Variants in GVQW3 observed in about 807,000 individuals in gnomAD.
GVQW3 encodes protein GVQW3.
In GVQW3, 7 loss-of-function variants were observed where a neutral mutation model predicts 12.5. The ratio of observed to expected loss-of-function variants is 0.56; its 90% CI spans 0.32 to 1.05. The LOEUF (loss-of-function observed/expected upper bound fraction) is 1.05, where lower values mean the gene tolerates loss of function less well. Ranked by LOEUF, GVQW3 falls within the 50% of genes least tolerant of loss-of-function variation. The pLI is 0.04. For synonymous variants in GVQW3, 71 were observed against 67.2 expected, an observed-to-expected ratio of 1.06 and a Z score of -0.28; for missense variants, 188 against 190.8, an observed-to-expected ratio of 0.99 and a Z score of 0.09.
chr11:76,385,802 T>A (rs1022724687), intron 1 of GVQW3, among the ~76,000 whole-genome samples: 1 of 152,170 alleles, frequency 6.6e-6, no homozygotes, highest in African/African-American at 2.4e-5. Flanking sequence ...CTAAGGGACA[T>A]GGGCACCTTA....
At position 76,404,062 on chromosome 11, in the gene GVQW3, G is replaced by T; in HGVS notation, c.*304G>T. Reference sequence around the variant, plus strand: ...AAATAATGTTTTCCCATCTATCTCAGTACCCCATGATCCAGTCAAGTGAAC... The same window carrying T: ...AAATAATGTTTTCCCATCTATCTCATTACCCCATGATCCAGTCAAGTGAAC... On this transcript the variant is annotated 3_prime_UTR_variant, in exon 2 of 2. Transcript: ENST00000529331. 1 of 541,764 alleles carries T rather than the reference G, an allele frequency of 1.8e-6. No individual in the cohort carries two copies. The highest frequency in any genetic ancestry group is 3.4e-6 in the Non-Finnish European group (1 of 296,674). 33.6% of individuals were successfully genotyped at this position (541,764 alleles called of 1,614,324 possible).
Position 76,407,604 on chromosome 11 carries a change from G to C in GVQW3, c.*3846G>C, listed in dbSNP as rs1046281585. On this transcript the variant is annotated 3_prime_UTR_variant, in exon 2 of 2. Coordinates refer to ENST00000529331, the MANE Select transcript of GVQW3 (RefSeq NM_001347885.2). ...AAAAAAAAAAAAAAAAAAAAAAAAA[G>C]AATTTAAGCCAGTTGACCTAGGAAT... is the stretch of plus-strand genomic sequence containing the variant. 1.1e-5 allele frequency: 1 copy of C among 93,872 alleles called. No homozygotes were observed. The highest frequency in any genetic ancestry group is 3.8e-5 in the African/African-American group (1 of 26,552). 5.8% of individuals were successfully genotyped at this position (93,872 alleles called of 1,614,324 possible).
downstream of GVQW3, chr11:76,413,021 C>G (rs1947091996): frequency 6.6e-6 from 1 of 152,176 alleles, no homozygotes. Flanking sequence ...CTCAGTCTTT[C>G]TATCTTTCGT....
chr11:76,388,691 C>T (rs765178943), intron 1 of GVQW3, among the ~76,000 whole-genome samples: 28 of 151,918 alleles, frequency 1.8e-4, no homozygotes, highest in Non-Finnish European at 3.4e-4. Flanking sequence ...TTATATTACT[C>T]TTCACTCTTG....
At chr11:76,391,336 A>G (rs977822466) in intron 1 of GVQW3, among the ~76,000 whole-genome samples, 1 of 152,232 alleles carries the variant, frequency 6.6e-6, no homozygotes, top group African/African-American at 2.4e-5. Context: ...TGTCATTGCT[A>G]TTTAAGCAAA....
At chr11:76,402,653 A>G (rs1412552102) in intron 1 of GVQW3, among the ~76,000 whole-genome samples, 1 of 152,156 alleles carries the variant, frequency 6.6e-6, no homozygotes, top group Admixed American at 6.5e-5. Flanking sequence ...GTAGCTGATC[A>G]TGTTTCTGGA....
rs1368949415 is a variant in GVQW3, at chr11:76,403,802, C to G, written c.*44C>G. ...AACCAGGAGTTCAATGGTGTAAATTCCAGTCTGAGTCCACAGGCCGAAGAG... is the reference window on the plus strand; with the variant it reads ...AACCAGGAGTTCAATGGTGTAAATTGCAGTCTGAGTCCACAGGCCGAAGAG... On this transcript the variant is annotated 3_prime_UTR_variant, in exon 2 of 2. Transcript: ENST00000529331. The G allele has an allele frequency of 1.4e-5, 9 of 626,692 alleles. No individual in the cohort carries two copies. Among genetic ancestry groups the G allele is most frequent in the Non-Finnish European group, 5.9e-6 (2 of 339,654 alleles). The allele number at this position is 626,692 out of a possible 1,614,324, so 38.8% of individuals were successfully genotyped here.
chr11:76,394,633 A>G (rs1047241076), intron 1 of GVQW3, among the ~76,000 whole-genome samples: 10 of 152,194 alleles, frequency 6.6e-5, no homozygotes, highest in African/African-American at 1.7e-4. Context: ...GCTATTGTGA[A>G]TGGTGCTGCA....
chr11:76,400,716 G>A (rs867894356), intron 1 of GVQW3, among the ~76,000 whole-genome samples: 1 of 152,042 alleles, frequency 6.6e-6, no homozygotes, highest in African/African-American at 2.4e-5. Context: ...CACTGCACCC[G>A]GCCCCTCTGT....
intron 1 of GVQW3, among the ~76,000 whole-genome samples, chr11:76,400,006 T>TATACACACAC (rs369599131): frequency 1.4e-5 from 2 of 140,374 alleles, no homozygotes; most frequent in African/African-American, 2.7e-5. Context: ...TCTCTCTGTA[T>TATACACACAC]ACACACACAC....
At position 76,403,848 on chromosome 11, in the gene GVQW3, G is replaced by A. The variant is rs1356079690; in HGVS notation, c.*90G>A. 1 of 694,510 alleles carries A rather than the reference G, an allele frequency of 1.4e-6. No homozygotes were observed. The allele number at this position is 694,510 out of a possible 1,614,324, so 43.0% of individuals were successfully genotyped here. ...AAGAGCGAGGAGTGCTGATGTACAA[G>A]GGCAGGAGAAGATGGATGTCACAGC... On this transcript the variant is annotated 3_prime_UTR_variant, in exon 2 of 2. Transcript: ENST00000529331.
chr11:76,404,048 T>A lies in GVQW3; in HGVS notation c.*290T>A. ...ACAGACACACCCAGAAATAATGTTT[T>A]CCCATCTATCTCAGTACCCCATGAT... On this transcript the variant is annotated 3_prime_UTR_variant, in exon 2 of 2. Transcript: ENST00000529331. 1 of 570,046 alleles carries A rather than the reference T, an allele frequency of 1.8e-6. No individual in the cohort carries two copies. Among genetic ancestry groups the A allele is most frequent in the Non-Finnish European group, 3.2e-6 (1 of 309,326 alleles). The allele number at this position is 570,046 out of a possible 1,614,324, so 35.3% of individuals were successfully genotyped here.
chr11:76,381,987 A>G lies in GVQW3; in HGVS notation c.159A>G (p.Gly53=). 1 of 1,536,420 alleles carries G rather than the reference A, an allele frequency of 6.5e-7. No homozygotes were observed. Among genetic ancestry groups the G allele is most frequent in the Non-Finnish European group, 8.7e-7 (1 of 1,146,960 alleles). ...VFDWHKRFKE[G]REDVRDDARS... ...ACTGGCACAAAAGGTTTAAAGAAGGACGGGAAGATGTTCGAGATGATGCCC... is the reference window on the plus strand; with the variant it reads ...ACTGGCACAAAAGGTTTAAAGAAGGGCGGGAAGATGTTCGAGATGATGCCC... The change falls in exon 1 of 2, where the codon GGA becomes GGG. Residue 53 remains glycine, a synonymous_variant. Transcript: ENST00000529331.
intron 1 of GVQW3, among the ~76,000 whole-genome samples, chr11:76,397,297 C>A (rs970895474): frequency 2.6e-5 from 4 of 150,956 alleles, no homozygotes; most frequent in African/African-American, 9.8e-5. Context: ...CCACCACACT[C>A]AGCCCCTTCA....
intron 1 of GVQW3, among the ~76,000 whole-genome samples, chr11:76,399,123 T>G (rs554485181): frequency 1.9e-3 from 284 of 151,558 alleles, no homozygotes; most frequent in African/African-American, 6.4e-3. Flanking sequence ...TTATTTTATT[T>G]TATTTCATTT....
chr11:76,382,559 CCTATGTGCCAT>C, intron 1 of GVQW3: 1 of 599,442 alleles, frequency 1.7e-6, no homozygotes, highest in South Asian at 2.0e-5. Flanking sequence ...ACCACTCCTC[CCTATGTGCCAT>C]GGCCCTCCTC....
intron 1 of GVQW3, among the ~76,000 whole-genome samples, chr11:76,389,195 A>G (rs192527077): frequency 1.3e-5 from 2 of 152,348 alleles, no homozygotes; most frequent in African/African-American, 4.8e-5. Flanking sequence ...TTAAGTGAAA[A>G]GAGTGATATA....
intron 1 of GVQW3, among the ~76,000 whole-genome samples, chr11:76,387,457 T>A (rs534270974): frequency 2.0e-5 from 3 of 152,222 alleles, no homozygotes; most frequent in African/African-American, 7.2e-5. Context: ...TTCTTAGCTT[T>A]TAGGCCATAG....
intron 1 of GVQW3, among the ~76,000 whole-genome samples, chr11:76,398,134 CAA>C (rs58006104): frequency 1.2e-4 from 13 of 108,012 alleles, no homozygotes; most frequent in Admixed American, 1.8e-4. Context: ...GACTGTGTCT[CAA>C]AAAAAAAAAA....
Sources: gnomAD v4.1 joint callset for allele counts (sites outside exome capture counted in the v4.1 genomes callset) on GRCh38, gnomAD v4.1.1 for gene constraint, MANE v1.5 for transcripts, NCBI Gene and HGNC (gene_info 2026-07-23, HGNC 2026-07-21) for gene names.